CCSER1: variants seen among roughly 807,000 people sequenced by gnomAD.
The protein encoded by CCSER1 is serine-rich coiled-coil domain-containing protein 1.
CCSER1 carries 41 observed loss-of-function variants against 82.0 expected under a neutral mutation model. That is an observed-to-expected ratio of 0.50 (90% CI 0.39 to 0.65). The LOEUF (loss-of-function observed/expected upper bound fraction) is 0.65, where lower values mean the gene tolerates loss of function less well. Among genes scored for constraint, CCSER1 ranks in the 30% least tolerant of loss-of-function variants. The pLI is 0.00. For missense variants in CCSER1, 1,119 were observed against 1,064.2 expected (o/e 1.05, Z -0.72); for synonymous variants, 414 against 383.9 (o/e 1.08, Z -0.92).
At chr4:90,794,403 C>G (rs1755686773) in intron 7 of CCSER1, among the ~76,000 whole-genome samples, 1 of 152,148 alleles carries the variant, frequency 6.6e-6, no homozygotes, top group Non-Finnish European at 1.5e-5. Flanking sequence ...ATCCCAGCAC[C>G]ATTTATTGAA....
Position 91,293,161 on chromosome 4 carries a change from C to A in CCSER1, c.2217+207167C>A, listed in dbSNP as rs1743887249. Among the ~76,000 whole-genome samples, 3 of 151,938 alleles carry A rather than the reference C, an allele frequency of 2.0e-5. No individual in the cohort carries two copies. The South Asian group carries it at 6.2e-4, about 31-fold the overall frequency. On this transcript the variant is annotated intron_variant, in intron 10 of 10. Coordinates refer to ENST00000509176, the MANE Select transcript of CCSER1 (RefSeq NM_001145065.2). ...CACTGAGATCAGATTTCATGGGAGA[C>A]CCTCACAGGAACATTCCTTAGAGTT...
chr4:90,416,323 CTG>C (rs916980566), intron 4 of CCSER1, among the ~76,000 whole-genome samples: 2 of 152,084 alleles, frequency 1.3e-5, no homozygotes, highest in African/African-American at 4.8e-5. Flanking sequence ...CACAATAACT[CTG>C]AGAGAAAATT....
At chr4:90,866,766 T>C (rs2150011154) in intron 8 of CCSER1, among the ~76,000 whole-genome samples, 1 of 152,076 alleles carries the variant, frequency 6.6e-6, no homozygotes, top group Non-Finnish European at 1.5e-5. Flanking sequence ...TGGAAGACAG[T>C]TTTTTCATGT....
At chr4:91,362,141 A>C (rs1749289499) in intron 10 of CCSER1, among the ~76,000 whole-genome samples, 1 of 151,884 alleles carries the variant, frequency 6.6e-6, no homozygotes, top group Non-Finnish European at 1.5e-5. Context: ...GGTCAGAGAG[A>C]TAGAATGCCT....
At chr4:91,361,660 A>G (rs1749252782) in intron 10 of CCSER1, among the ~76,000 whole-genome samples, 1 of 151,866 alleles carries the variant, frequency 6.6e-6, no homozygotes, top group Non-Finnish European at 1.5e-5. Context: ...AATAATCATT[A>G]TATTAGCAAG....
At chr4:90,703,140 T>G (rs1359099564) in intron 6 of CCSER1, among the ~76,000 whole-genome samples, 1 of 152,228 alleles carries the variant, frequency 6.6e-6, no homozygotes, top group Non-Finnish European at 1.5e-5. Flanking sequence ...ACACACAGCT[T>G]TTAGTGTGTC....
At chr4:90,274,633 T>C (rs1727201138) in intron 1 of CCSER1, among the ~76,000 whole-genome samples, 1 of 152,096 alleles carries the variant, frequency 6.6e-6, no homozygotes, top group Admixed American at 6.6e-5. Flanking sequence ...GTCTACGAGA[T>C]CCAAAGTATA....
chr4:90,206,363 C>G (rs1738835665), intron 1 of CCSER1, among the ~76,000 whole-genome samples: 1 of 152,148 alleles, frequency 6.6e-6, no homozygotes, highest in Non-Finnish European at 1.5e-5. Context: ...CTAAACACTG[C>G]TTTAGCTGTG....
intron 7 of CCSER1, among the ~76,000 whole-genome samples, chr4:90,810,813 A>G (rs527344026): frequency 6.9e-4 from 105 of 151,236 alleles, no homozygotes; most frequent in African/African-American, 2.3e-3. Flanking sequence ...AAATCTTTCT[A>G]GTGAAATAAA....
intron 10 of CCSER1, among the ~76,000 whole-genome samples, chr4:91,155,240 G>A (rs374644709): frequency 1.3e-5 from 2 of 151,828 alleles, no homozygotes; most frequent in East Asian, 3.9e-4. Context: ...TGAATTATAG[G>A]GGTAGATTTT....
At chr4:91,083,264 A>G (rs1722990492) in intron 9 of CCSER1, among the ~76,000 whole-genome samples, 2 of 152,164 alleles carry the variant, frequency 1.3e-5, no homozygotes, top group South Asian at 4.1e-4. Context: ...CTTTATAGGG[A>G]CATGGATGAA....
At chr4:91,411,751 A>G (rs1753065586) in intron 10 of CCSER1, among the ~76,000 whole-genome samples, 1 of 150,522 alleles carries the variant, frequency 6.6e-6, no homozygotes. Context: ...AGTGGCACAA[A>G]AAAAAAATGT....
intron 10 of CCSER1, among the ~76,000 whole-genome samples, chr4:91,379,870 T>G (rs898198070): frequency 5.9e-5 from 9 of 152,228 alleles, no homozygotes; most frequent in Non-Finnish European, 1.0e-4. Flanking sequence ...TCCTGCTTTC[T>G]CTTGTGGGCA....
chr4:90,442,405 T>C (rs1031824578), intron 4 of CCSER1, among the ~76,000 whole-genome samples: 15 of 152,258 alleles, frequency 9.9e-5, no homozygotes, highest in East Asian at 7.7e-4. Flanking sequence ...GAAAAACCTA[T>C]TGATCAAGTA....
intron 10 of CCSER1, among the ~76,000 whole-genome samples, chr4:91,432,145 G>T (rs998164377): frequency 2.0e-5 from 3 of 152,118 alleles, no homozygotes; most frequent in African/African-American, 7.2e-5. Context: ...TTGTAAAGAA[G>T]GTTCTTGCTT....
At chr4:91,451,220 A>G (rs1755854015) in intron 10 of CCSER1, among the ~76,000 whole-genome samples, 1 of 151,958 alleles carries the variant, frequency 6.6e-6, no homozygotes. Context: ...AGCTTCCAAA[A>G]CATCCCACCT....
chr4:90,387,045 G>A (rs1400742544), intron 3 of CCSER1, among the ~76,000 whole-genome samples: 3 of 152,056 alleles, frequency 2.0e-5, no homozygotes, highest in African/African-American at 7.2e-5. Context: ...CCTCATAAGA[G>A]TTAATGAATA....
intron 10 of CCSER1, among the ~76,000 whole-genome samples, chr4:91,218,917 G>A (rs1240870340): frequency 1.3e-5 from 2 of 152,068 alleles, no homozygotes; most frequent in African/African-American, 4.8e-5. Flanking sequence ...CACTAAATAC[G>A]ATACAAACCT....
At chr4:91,377,464 T>A (rs1300641799) in intron 10 of CCSER1, among the ~76,000 whole-genome samples, 1 of 152,214 alleles carries the variant, frequency 6.6e-6, no homozygotes, top group African/African-American at 2.4e-5. Context: ...AGATGGTATC[T>A]CATTGTGGTT....
Sources: gnomAD v4.1 joint callset for allele counts (sites outside exome capture counted in the v4.1 genomes callset) on GRCh38, gnomAD v4.1.1 for gene constraint, MANE v1.5 for transcripts, NCBI Gene and HGNC (gene_info 2026-07-23, HGNC 2026-07-21) for gene names.